Variants in NPAS3 observed in about 807,000 individuals in gnomAD.
NPAS3 encodes neuronal PAS domain protein 3.
In NPAS3, 14 loss-of-function variants were observed where a neutral mutation model predicts 73.1. The observed-to-expected ratio is 0.19, with a 90% CI of 0.13 to 0.30. NPAS3 has a LOEUF of 0.30. Among genes scored for constraint, NPAS3 ranks in the 10% least tolerant of loss-of-function variants. NPAS3 has a pLI of 1.00. For synonymous variants in NPAS3, 620 were observed against 541.5 expected, an observed-to-expected ratio of 1.14 and a Z score of -2.01; for missense variants, 1,096 against 1,250.0, an observed-to-expected ratio of 0.88 and a Z score of 1.86.
At chr14:33,455,693 G>A (rs976423948) in intron 4 of NPAS3, among the ~76,000 whole-genome samples, 1 of 152,168 alleles carries the variant, frequency 6.6e-6, no homozygotes, top group Non-Finnish European at 1.5e-5. Context: ...TCTACAAGTA[G>A]GTGTTTAGGT....
chr14:33,458,820 C>T (rs1043481042), intron 4 of NPAS3, among the ~76,000 whole-genome samples: 1 of 152,060 alleles, frequency 6.6e-6, no homozygotes, highest in Non-Finnish European at 1.5e-5. Context: ...TTATTACATA[C>T]GAGAGTTTTG....
At chr14:33,284,514 T>C (rs1244167061) in intron 3 of NPAS3, among the ~76,000 whole-genome samples, 1 of 152,164 alleles carries the variant, frequency 6.6e-6, no homozygotes, top group Non-Finnish European at 1.5e-5. Context: ...AGCCTCTATG[T>C]ATAGATGCTT....
intron 1 of NPAS3, among the ~76,000 whole-genome samples, chr14:32,953,433 C>A (rs1458657672): frequency 6.6e-6 from 1 of 152,186 alleles, no homozygotes; most frequent in African/African-American, 2.4e-5. Context: ...TAGGCCCTGA[C>A]TGAGTGAGGC....
intron 2 of NPAS3, among the ~76,000 whole-genome samples, chr14:33,174,536 G>T (rs1275147000): frequency 2.0e-5 from 3 of 152,148 alleles, no homozygotes; most frequent in Admixed American, 1.3e-4. Context: ...TGTCTGTTGT[G>T]CCTCATTTTA....
At chr14:33,055,082 A>G (rs571356078) in intron 1 of NPAS3, among the ~76,000 whole-genome samples, 2 of 152,314 alleles carry the variant, frequency 1.3e-5, no homozygotes, top group Admixed American at 1.3e-4. Context: ...ATTAAATGAC[A>G]TTACTTTCCT....
At chr14:32,939,815 C>CGAGCAGGGGGAGGAGGCGAG (rs2035904046) in intron 1 of NPAS3, among the ~76,000 whole-genome samples, 14 of 141,208 alleles carry the variant, frequency 9.9e-5, no homozygotes, top group African/African-American at 1.9e-4. Context: ...GGGAAGGCGG[C>CGAGCAGGGGGAGGAGGCGAG]GAGCAGGGGG....
chr14:33,161,866 C>T (rs1300168578), intron 2 of NPAS3, among the ~76,000 whole-genome samples: 2 of 149,478 alleles, frequency 1.3e-5, no homozygotes, highest in Admixed American at 1.3e-4. Context: ...ATGTTGCATA[C>T]ATAAGACGTG....
At chr14:33,149,502 C>T (rs190240016) in intron 2 of NPAS3, among the ~76,000 whole-genome samples, 4 of 152,312 alleles carry the variant, frequency 2.6e-5, no homozygotes, top group African/African-American at 9.6e-5. Flanking sequence ...TTGTTTTGCT[C>T]TGCAGTTGAT....
At chr14:33,576,491 G>A (rs970962539) in intron 5 of NPAS3, among the ~76,000 whole-genome samples, 5 of 152,060 alleles carry the variant, frequency 3.3e-5, no homozygotes, top group Admixed American at 2.6e-4. Flanking sequence ...CAGACTGGAG[G>A]GCACAAACCT....
At chr14:33,316,768 G>A (rs1189867073) in intron 3 of NPAS3, among the ~76,000 whole-genome samples, 1 of 152,064 alleles carries the variant, frequency 6.6e-6, no homozygotes, top group Non-Finnish European at 1.5e-5. Context: ...AGGGATGTTA[G>A]AGGCCAGTTG....
At chr14:33,602,033 G>A (rs184630670) in intron 5 of NPAS3, among the ~76,000 whole-genome samples, 1 of 152,314 alleles carries the variant, frequency 6.6e-6, no homozygotes, top group East Asian at 1.9e-4. Context: ...CAGGGAGCAG[G>A]TTCCTGACAG....
At chr14:33,319,543 GA>G (rs2043348157) in intron 3 of NPAS3, among the ~76,000 whole-genome samples, 1 of 152,106 alleles carries the variant, frequency 6.6e-6, no homozygotes, top group Admixed American at 6.6e-5. Flanking sequence ...GGACCTATGT[GA>G]GGCACTGTGC....
chr14:33,115,545 G>A (rs1466281744), intron 2 of NPAS3, among the ~76,000 whole-genome samples: 1 of 152,142 alleles, frequency 6.6e-6, no homozygotes, highest in Non-Finnish European at 1.5e-5. Context: ...ATTATGAAAA[G>A]GACTGTGTGT....
chr14:33,253,159 A>G (rs988081939), intron 3 of NPAS3, among the ~76,000 whole-genome samples: 1 of 152,106 alleles, frequency 6.6e-6, no homozygotes, highest in African/African-American at 2.4e-5. Flanking sequence ...TGCCGGGTCA[A>G]ACGGTAGTTC....
At chr14:33,648,165 C>T (rs886879753) in intron 5 of NPAS3, among the ~76,000 whole-genome samples, 1 of 152,098 alleles carries the variant, frequency 6.6e-6, no homozygotes, top group African/African-American at 2.4e-5. Flanking sequence ...GCTGAACCCA[C>T]CAGGAAGCAA....
At position 33,427,933 on chromosome 14, in the gene NPAS3, C is replaced by G. The variant is rs1256115018; in HGVS notation, c.468+60665C>G. Among the ~76,000 whole-genome samples the G allele has an allele frequency of 3.9e-5, 6 of 152,022 alleles. No homozygotes were observed. In the East Asian group the frequency reaches 9.6e-4, roughly 24 times the overall value. On this transcript the variant is annotated intron_variant, in intron 4 of 11. Coordinates refer to ENST00000356141, the Ensembl canonical transcript of NPAS3. ...GAATGAGAAAAAGTCAAAATACATACAGTTGCTATGAATGTTTATATAAAC... is the reference window on the plus strand; with the variant it reads ...GAATGAGAAAAAGTCAAAATACATAGAGTTGCTATGAATGTTTATATAAAC...
intron 2 of NPAS3, among the ~76,000 whole-genome samples, chr14:33,093,679 T>C (rs1413168937): frequency 6.6e-6 from 1 of 152,192 alleles, no homozygotes; most frequent in Non-Finnish European, 1.5e-5. Flanking sequence ...CGTATGTTTA[T>C]TGGGGCACTA....
At chr14:33,463,869 C>T (rs951638837) in intron 4 of NPAS3, among the ~76,000 whole-genome samples, 10 of 152,184 alleles carry the variant, frequency 6.6e-5, no homozygotes, top group African/African-American at 2.4e-4. Context: ...GTAATGGGTT[C>T]TGTATGAAAA....
intron 3 of NPAS3, among the ~76,000 whole-genome samples, chr14:33,245,180 T>C (rs1331367393): frequency 1.3e-5 from 2 of 152,220 alleles, no homozygotes; most frequent in South Asian, 2.1e-4. Context: ...AAATCATATA[T>C]AGATGCCCTA....
Sources: gnomAD v4.1 joint callset for allele counts (sites outside exome capture counted in the v4.1 genomes callset) on GRCh38, gnomAD v4.1.1 for gene constraint, MANE v1.5 for transcripts, NCBI Gene and HGNC (gene_info 2026-07-23, HGNC 2026-07-21) for gene names.